Variants in BMERB1 observed in about 807,000 individuals in gnomAD.
BMERB1 encodes bMERB domain containing 1, also known as bMERB domain-containing protein 1.
BMERB1 carries 12 observed loss-of-function variants against 23.6 expected under a neutral mutation model. The observed-to-expected ratio is 0.51, with a 90% CI of 0.33 to 0.82. The LOEUF is 0.82. Among genes scored for constraint, BMERB1 ranks in the 40% least tolerant of loss-of-function variants. The pLI, the probability that BMERB1 is intolerant of heterozygous loss-of-function variation, is 0.03. For synonymous variants in BMERB1, 122 were observed against 96.6 expected (o/e 1.26, Z -1.54); for missense variants, 247 against 255.4 (o/e 0.97, Z 0.22).
intron 1 of BMERB1, among the ~76,000 whole-genome samples, chr16:15,480,356 C>T (rs552989162): frequency 6.6e-5 from 10 of 152,010 alleles, no homozygotes; most frequent in South Asian, 2.1e-4. Flanking sequence ...CCTCGTGATC[C>T]GCCCGTCTAG....
intron 1 of BMERB1, among the ~76,000 whole-genome samples, chr16:15,436,096 A>AT (rs1274791090): frequency 2.6e-5 from 4 of 152,046 alleles, no homozygotes; most frequent in Non-Finnish European, 5.9e-5. Flanking sequence ...AATACATGAG[A>AT]TATTTTGATA....
chr16:15,554,368 A>G (rs1441038229), intron 2 of BMERB1, among the ~76,000 whole-genome samples: 2 of 152,218 alleles, frequency 1.3e-5, no homozygotes, highest in African/African-American at 4.8e-5. Context: ...GTTCACTGAG[A>G]TGATTTGTGT....
intron 2 of BMERB1, among the ~76,000 whole-genome samples, chr16:15,565,232 G>A (rs1026996206): frequency 6.6e-6 from 1 of 152,108 alleles, no homozygotes; most frequent in Non-Finnish European, 1.5e-5. Flanking sequence ...CCGAAGGGTC[G>A]ATTTCTAGTT....
intron 2 of BMERB1, among the ~76,000 whole-genome samples, chr16:15,561,256 ATTTTTTTTTTTTT>A (rs35139646): frequency 1.9e-4 from 8 of 42,214 alleles, no homozygotes; most frequent in South Asian, 1.1e-3. Flanking sequence ...CACGCCGGCC[ATTTTTTTTTTTTT>A]TTTTTTTTTT....
At chr16:15,572,369 T>C (rs1357644658) in intron 3 of BMERB1, among the ~76,000 whole-genome samples, 6 of 152,206 alleles carry the variant, frequency 3.9e-5, no homozygotes, top group Admixed American at 2.6e-4. Context: ...TCGTGAGCAT[T>C]TACTAGGTGC....
At chr16:15,446,063 C>T (rs1461589439) in intron 1 of BMERB1, among the ~76,000 whole-genome samples, 6 of 152,020 alleles carry the variant, frequency 3.9e-5, no homozygotes, top group Admixed American at 6.6e-5. Context: ...TGTATACAGA[C>T]AGAAAGTAAG....
intron 2 of BMERB1, among the ~76,000 whole-genome samples, chr16:15,549,956 GT>G (rs901614377): frequency 1.3e-4 from 19 of 146,062 alleles, no homozygotes; most frequent in Admixed American, 2.8e-4. Context: ...TCAAAAGCAC[GT>G]TTTTTTTTTT....
At chr16:15,567,615 T>C (rs905937827) in intron 2 of BMERB1, among the ~76,000 whole-genome samples, 14 of 152,076 alleles carry the variant, frequency 9.2e-5, no homozygotes, top group African/African-American at 3.1e-4. Flanking sequence ...CAAAAAAAGT[T>C]AGCTGGGCAT....
At chr16:15,444,744 C>T (rs140349445) in intron 1 of BMERB1, among the ~76,000 whole-genome samples, 127 of 152,260 alleles carry the variant, frequency 8.3e-4, no homozygotes, top group African/African-American at 2.9e-3. Flanking sequence ...TGTGGGCTTT[C>T]GAGAGAGCTT....
intron 2 of BMERB1, chr16:15,537,057 C>T (rs374960275): frequency 3.3e-5 from 5 of 152,264 alleles, no homozygotes; most frequent in African/African-American, 1.2e-4. Context: ...TGTGGTCTCC[C>T]GTGGCGTCAG....
chr16:15,575,448 G>GA (rs1323904538), intron 3 of BMERB1, among the ~76,000 whole-genome samples: 1 of 152,126 alleles, frequency 6.6e-6, no homozygotes, highest in Admixed American at 6.5e-5. Flanking sequence ...AATTTCCTTT[G>GA]AGGGAACTCA....
intron 1 of BMERB1, among the ~76,000 whole-genome samples, chr16:15,446,870 C>T (rs189138785): frequency 8.8e-4 from 134 of 152,240 alleles, no homozygotes; most frequent in African/African-American, 3.1e-3. Flanking sequence ...AAGTTGAAGA[C>T]GTTCACAAAA....
At chr16:15,455,870 T>C (rs1298268807) in intron 1 of BMERB1, among the ~76,000 whole-genome samples, 2 of 152,200 alleles carry the variant, frequency 1.3e-5, no homozygotes, top group Non-Finnish European at 2.9e-5. Context: ...CAGGAAACCT[T>C]GGCCTGACTT....
At chr16:15,450,762 C>T (rs540016356) in intron 1 of BMERB1, among the ~76,000 whole-genome samples, 5 of 152,066 alleles carry the variant, frequency 3.3e-5, no homozygotes, top group Non-Finnish European at 5.9e-5. Flanking sequence ...TGACCCACCA[C>T]GCCCGGCCAT....
chr16:15,569,877 C>T (rs2030680451), intron 3 of BMERB1, among the ~76,000 whole-genome samples: 1 of 152,186 alleles, frequency 6.6e-6, no homozygotes, highest in Non-Finnish European at 1.5e-5. Context: ...ATTCAGCCTC[C>T]TCCCATCCTT....
At chr16:15,585,146 A>G (rs888999883) in intron 5 of BMERB1, among the ~76,000 whole-genome samples, 3 of 152,248 alleles carry the variant, frequency 2.0e-5, no homozygotes, top group South Asian at 2.1e-4. Context: ...GCTGGCTCCT[A>G]TAACCACAAG....
chr16:15,516,828 A>T (rs1876213978), intron 2 of BMERB1, among the ~76,000 whole-genome samples: 1 of 152,004 alleles, frequency 6.6e-6, no homozygotes, highest in African/African-American at 2.4e-5. Context: ...TGCTTTTAAA[A>T]CACCTCTTCT....
At chr16:15,507,658 G>C (rs1297599115) in intron 1 of BMERB1, among the ~76,000 whole-genome samples, 1 of 152,156 alleles carries the variant, frequency 6.6e-6, no homozygotes, top group Non-Finnish European at 1.5e-5. Flanking sequence ...GCAGCTGTCG[G>C]ATGCCTGCCT....
At chr16:15,561,134 T>G (rs965252128) in intron 2 of BMERB1, among the ~76,000 whole-genome samples, 9 of 151,728 alleles carry the variant, frequency 5.9e-5, no homozygotes, top group African/African-American at 2.2e-4. Context: ...AATTTTTGTA[T>G]TTTTAGTAGA....
Sources: allele counts gnomAD v4.1 joint callset (sites outside exome capture counted in the v4.1 genomes callset), GRCh38; gene constraint gnomAD v4.1.1; transcripts MANE v1.5; gene names NCBI Gene and HGNC (gene_info 2026-07-23, HGNC 2026-07-21).